The following MYO5B variants were observed in gnomAD, a reference collection of about 807,000 sequenced individuals.
MYO5B encodes the protein unconventional myosin-Vb.
A neutral mutation model predicts 229.3 loss-of-function variants in MYO5B; 143 were observed. That is an observed-to-expected ratio of 0.62 (90% CI 0.54 to 0.72). The LOEUF (loss-of-function observed/expected upper bound fraction) is 0.72. Among genes scored for constraint, MYO5B ranks in the 30% least tolerant of loss-of-function variants. MYO5B has a pLI of 0.00. For missense variants in MYO5B, 2,321 were observed against 2,331.0 expected, an observed-to-expected ratio of 1.00 and a Z score of 0.09; for synonymous variants, 918 against 885.2, an observed-to-expected ratio of 1.04 and a Z score of -0.66.
intron 14 of MYO5B, among the ~76,000 whole-genome samples, chr18:49,952,809 T>C (rs2025443791): frequency 6.6e-6 from 1 of 152,048 alleles, no homozygotes; most frequent in Admixed American, 6.6e-5. Context: ...AGAGAGGTTC[T>C]ATAGACTGCT....
chr18:50,077,100 A>C (rs1454781828), intron 1 of MYO5B, among the ~76,000 whole-genome samples: 1 of 149,408 alleles, frequency 6.7e-6, no homozygotes, highest in Non-Finnish European at 1.5e-5. Flanking sequence ...CTTCGTTTTT[A>C]AGAAACAGAA....
At chr18:49,935,355 A>T (rs950002212) in intron 16 of MYO5B, among the ~76,000 whole-genome samples, 1 of 152,222 alleles carries the variant, frequency 6.6e-6, no homozygotes, top group African/African-American at 2.4e-5. Flanking sequence ...CATGCGTGAC[A>T]AGCGGCTCCC....
chr18:50,184,577 G>T (rs1421864237), intron 1 of MYO5B, among the ~76,000 whole-genome samples: 38 of 152,164 alleles, frequency 2.5e-4, no homozygotes. Context: ...GTAGTGCTGA[G>T]AAGTGATTTG....
chr18:50,193,533 C>G (rs1301857472), intron 1 of MYO5B, among the ~76,000 whole-genome samples: 1 of 152,260 alleles, frequency 6.6e-6, no homozygotes, highest in Non-Finnish European at 1.5e-5. Context: ...TAGACAGCCG[C>G]GTGTGATCGC....
rs2033281837 is a variant in MYO5B at position 50,194,894 on chromosome 18, G to A, written c.-101C>T. 12 of 1,223,044 alleles carry A rather than the reference G, an allele frequency of 9.8e-6. No individual in the cohort carries two copies. Among genetic ancestry groups the A allele is most frequent in the Middle Eastern group, 3.1e-4 (1 of 3,200 alleles). 75.8% of individuals were successfully genotyped at this position (1,223,044 alleles called of 1,614,324 possible). On this transcript the variant is annotated 5_prime_UTR_variant, in exon 1 of 40. Transcript: ENST00000285039. ...CGCCATGTTCCCGGGCTGGCCTGGA[G>A]TTTCTCGATCTTCTCGCTCTTCTCC...
intron 14 of MYO5B, among the ~76,000 whole-genome samples, chr18:49,951,325 C>A (rs1787586): frequency 2.0e-5 from 3 of 151,860 alleles, no homozygotes; most frequent in African/African-American, 7.3e-5. Context: ...GGGGGTGGTC[C>A]TGGGGGCCAC....
chr18:50,144,864 C>A (rs772722399), intron 1 of MYO5B, among the ~76,000 whole-genome samples: 4 of 152,186 alleles, frequency 2.6e-5, no homozygotes, highest in Non-Finnish European at 5.9e-5. Context: ...TCCCCCAGAT[C>A]ACTTCACATG....
intron 1 of MYO5B, among the ~76,000 whole-genome samples, chr18:50,168,047 A>G (rs2144329902): frequency 6.6e-6 from 1 of 152,366 alleles, no homozygotes; most frequent in South Asian, 2.1e-4. Context: ...TTGCACTTAT[A>G]TGAAGTACCA....
At chr18:50,025,269 T>C (rs1032617005) in intron 4 of MYO5B, among the ~76,000 whole-genome samples, 2 of 152,228 alleles carry the variant, frequency 1.3e-5, no homozygotes, top group Non-Finnish European at 2.9e-5. Context: ...AAGACCTGCA[T>C]ATCAGTGATA....
At chr18:49,966,530 C>A (rs1598917892) in intron 10 of MYO5B, among the ~76,000 whole-genome samples, 1 of 152,244 alleles carries the variant, frequency 6.6e-6, no homozygotes, top group South Asian at 2.1e-4. Context: ...CTGATGGCAG[C>A]CAAGCCCCAG....
intron 1 of MYO5B, among the ~76,000 whole-genome samples, chr18:50,174,104 T>C (rs942656478): frequency 2.6e-5 from 4 of 152,140 alleles, no homozygotes; most frequent in Non-Finnish European, 4.4e-5. Context: ...GGGACATTGA[T>C]CTTCTCCTGC....
chr18:50,037,108 C>T, intron 3 of MYO5B, 114 bp from the exon 4 acceptor site: 1 of 1,133,076 alleles, frequency 8.8e-7, no homozygotes, highest in East Asian at 2.5e-5. Flanking sequence ...GAGAGGGCAG[C>T]AGAACCAGTC....
chr18:50,086,531 A>G (rs2031333554), intron 1 of MYO5B, among the ~76,000 whole-genome samples: 3 of 152,210 alleles, frequency 2.0e-5, no homozygotes. Flanking sequence ...CCACTGGTGG[A>G]CCTTGACAAG....
intron 5 of MYO5B, among the ~76,000 whole-genome samples, chr18:49,993,754 G>C (rs1466111400): frequency 6.6e-6 from 1 of 152,106 alleles, no homozygotes; most frequent in Non-Finnish European, 1.5e-5. Context: ...TGGTCTCCCT[G>C]GTCCCACTCC....
intron 27 of MYO5B, chr18:49,871,625 G>C (rs1468840594): frequency 5.2e-6 from 1 of 191,170 alleles, no homozygotes; most frequent in Non-Finnish European, 1.1e-5. Flanking sequence ...GTAACAGACT[G>C]TGAACAGTCC....
rs543730223 is a variant in MYO5B, at chr18:49,910,230, C to G, written c.2202+1832G>C. Among the ~76,000 whole-genome samples the G allele has an allele frequency of 2.0e-5, 3 of 152,274 alleles. No homozygotes were observed. The East Asian group carries it at 5.8e-4, about 29-fold the overall frequency. On this transcript the variant is annotated intron_variant, in intron 18 of 39. Coordinates refer to ENST00000285039, the MANE Select transcript of MYO5B (RefSeq NM_001080467.3). Reference sequence around the variant, plus strand: ...TGTGGTCCCATTAACTGGAGGAGAGCCCAGTGTGGGGGCCGACTCAGCCAG... The same window carrying G: ...TGTGGTCCCATTAACTGGAGGAGAGGCCAGTGTGGGGGCCGACTCAGCCAG...
chr18:50,084,984 C>T (rs1002704138), intron 1 of MYO5B, among the ~76,000 whole-genome samples: 4 of 150,630 alleles, frequency 2.7e-5, no homozygotes, highest in African/African-American at 9.7e-5. Flanking sequence ...TAGGCAATAC[C>T]ATTCAGGACA....
chr18:49,902,645 G>C lies in MYO5B; in HGVS notation c.2760C>G (p.Asn920Lys), dbSNP rs762857950. Residue 920 changes from asparagine to lysine, a missense_variant, in exon 21 of 40, where the codon AAC becomes AAG. Around this residue, in one of 2 missense-constraint regions of MYO5B, gnomAD observed 2,113 missense variants for 2,044.7 expected, o/e 1.03. Coordinates refer to ENST00000285039, the MANE Select transcript of MYO5B (RefSeq NM_001080467.3). The part of the protein sequence containing the change: ...ARSAEHLKRL[N>K]VGMENKVVQL... ...GGACCACCTTGTTCTCCATGCCCAC[G>C]TTGAGACGTTTCAGATGCTCTGCTG... 2.5e-6 allele frequency: 4 copies of C among 1,613,274 alleles called. No homozygotes were observed. In the South Asian group the frequency reaches 4.4e-5, roughly 18 times the overall value.
In MYO5B at chr18:50,167,865, C is replaced by T. The variant is rs79607257; in HGVS notation, c.27+26902G>A. 7.2e-5 allele frequency among the ~76,000 whole-genome samples: 11 copies of T among 152,244 alleles called. No homozygotes were observed. The East Asian group carries it at 9.6e-4, about 13-fold the overall frequency. ...CAAGCCCATCTGCCCTCTGGCCCCA[C>T]GGGTAAGGCAAAAACACTTTCCTAT... On this transcript the variant is annotated intron_variant, in intron 1 of 39. Coordinates refer to ENST00000285039, the MANE Select transcript of MYO5B (RefSeq NM_001080467.3).
Sources: gnomAD v4.1 joint callset for allele counts (sites outside exome capture counted in the v4.1 genomes callset) on GRCh38, gnomAD v4.1.1 for gene constraint, gnomAD v4.1.1 regional missense constraint, MANE v1.5 for transcripts, NCBI Gene and HGNC (gene_info 2026-07-23, HGNC 2026-07-21) for gene names.